Variants in UNC13D observed in about 807,000 individuals in gnomAD.
The protein encoded by UNC13D is unc-13 homolog D.
Under a neutral mutation model 151.7 loss-of-function variants are expected in UNC13D, and 115 were observed. The observed-to-expected ratio is 0.76, with a 90% CI of 0.65 to 0.88. UNC13D has a LOEUF of 0.88. Among genes scored for constraint, UNC13D ranks in the 40% least tolerant of loss-of-function variants. The pLI is 0.00. For synonymous variants in UNC13D, 588 were observed against 612.2 expected (o/e 0.96, Z 0.58); for missense variants, 1,369 against 1,438.7 (o/e 0.95, Z 0.78).
Position 75,828,809 on chromosome 17 carries a change from G to T in UNC13D, c.3129C>A (p.Pro1043=). The change falls in exon 31 of 32, where the codon CCC becomes CCA. Residue 1043 remains proline, a synonymous_variant. Coordinates refer to ENST00000207549, the MANE Select transcript of UNC13D (RefSeq NM_199242.3). ...TACCGTTGGGTGCGGGGTACGTGAG[G>T]GGCAGGCGGGTCTGAGGCACCTCAC... ...EPGEVPQTRL[P]LTYPAPNGDP... is the part of the protein sequence containing the mutation. The T allele has an allele frequency of 6.4e-7, 1 of 1,555,004 alleles. No homozygotes were observed. Among genetic ancestry groups the T allele is most frequent in the Non-Finnish European group, 8.7e-7 (1 of 1,151,988 alleles).
In UNC13D at chr17:75,832,884, G is replaced by A. The variant is rs781359341; in HGVS notation, c.2447+82C>T. 9.9e-6 allele frequency: 14 copies of A among 1,419,724 alleles called. No individual in the cohort carries two copies. Among genetic ancestry groups the A allele is most frequent in the Middle Eastern group, 1.7e-4 (1 of 5,722 alleles). The allele number at this position is 1,419,724 out of a possible 1,614,324, so 87.9% of individuals were successfully genotyped here. A position where few individuals can be genotyped will look rare whatever the true frequency, so the allele number is the denominator to read the frequency against. On this transcript the variant is annotated intron_variant, in intron 25 of 31. Coordinates refer to ENST00000207549, the MANE Select transcript of UNC13D (RefSeq NM_199242.3). The surrounding 1 kb of genome is among the most constrained non-coding windows in gnomAD (Gnocchi z 4.3). ...CAGGGGCTGCTACACCCCTCAGAACGGATGCTGGGGCCCAGGAAGGAGGGG... is the reference window on the plus strand; with the variant it reads ...CAGGGGCTGCTACACCCCTCAGAACAGATGCTGGGGCCCAGGAAGGAGGGG...
In UNC13D at chr17:75,844,364, C is replaced by G. The variant is rs778547098; in HGVS notation, c.-27G>C. ...GTGGCCTTCTCTGCCCTTCCCTGTC[C>G]GCTGGTGCTGGGTGAAGACAGCGAA... On this transcript the variant is annotated 5_prime_UTR_variant, in exon 1 of 32. Coordinates refer to ENST00000207549, the MANE Select transcript of UNC13D (RefSeq NM_199242.3). The G allele has an allele frequency of 3.8e-6, 6 of 1,591,904 alleles. No individual in the cohort carries two copies. The Admixed American group carries it at 8.8e-5, about 23-fold the overall frequency.
In UNC13D at chr17:75,840,616, G is replaced by A. The variant is rs1310838008; in HGVS notation, c.684-40C>T. 1.2e-6 allele frequency: 2 copies of A among 1,613,520 alleles called. No homozygotes were observed. Among genetic ancestry groups the A allele is most frequent in the African/African-American group, 1.3e-5 (1 of 74,900 alleles). On this transcript the variant is annotated intron_variant, in intron 8 of 31. Coordinates refer to ENST00000207549, the MANE Select transcript of UNC13D (RefSeq NM_199242.3). This position sits in a 1 kb window ranked among gnomAD's most constrained non-coding sequence, Gnocchi z 4.6. ...GTCCCATAAGGGGGACGCAGCAAGG[G>A]TCGGAAGGGATTAGGCTGGAATCCA...
In UNC13D at chr17:75,828,847, A is replaced by G; in HGVS notation, c.3091T>C (p.Ser1031Pro). 1 of 1,584,806 alleles carries G rather than the reference A, an allele frequency of 6.3e-7. No homozygotes were observed. ...PLREVPGLSG[S>P]EEPGEVPQTR... ...TGAGGCACCTCACCAGGCTCCTCAG[A>G]GCCACTCAGCCCGGGCACCTCACGC... The change falls in exon 31 of 32, where the codon TCT becomes CCT. Residue 1031 changes from serine to proline, a missense_variant. Coordinates refer to ENST00000207549, the MANE Select transcript of UNC13D (RefSeq NM_199242.3).
rs866171293 is a variant in UNC13D at position 75,831,121 on chromosome 17, C to T, written c.2602G>A (p.Ala868Thr). 1 of 1,613,962 alleles carries T rather than the reference C, an allele frequency of 6.2e-7. No individual in the cohort carries two copies. The highest frequency in any genetic ancestry group is 8.5e-7 in the Non-Finnish European group (1 of 1,180,032). ...ACCTGGAAGGTGGCAGTGTGCAGGG[C>T]CTTGGGTGGCAGGCCACAGCCCTCA... is the stretch of plus-strand genomic sequence containing the variant. ...HAEGCGLPPK[A>T]LHTATFQALQ... is the part of the protein sequence containing the mutation. Residue 868 changes from alanine to threonine, a missense_variant, in exon 27 of 32, where the codon GCC (alanine) becomes ACC (threonine). Coordinates refer to ENST00000207549, the MANE Select transcript of UNC13D (RefSeq NM_199242.3).
chr17:75,830,553 G>A (rs778572693), intron 28 of UNC13D, 25 bp downstream of exon 28: 6 of 1,568,776 alleles, frequency 3.8e-6, no homozygotes, highest in African/African-American at 2.7e-5. Flanking sequence ...CCTGCAGAGG[G>A]CGCAGTGCGA....
chr17:75,835,233 A>G, intron 20 of UNC13D, 170 bp from the exon 21 acceptor site: 3 of 1,394,004 alleles, frequency 2.2e-6, no homozygotes, highest in Non-Finnish European at 2.9e-6. Context: ...GGCAAAGTGA[A>G]GCCACAGCCC....
At chr17:75,841,135 C>CTTTTT (rs34691954) in intron 6 of UNC13D, 134 bp from the exon 7 acceptor site, 61 of 307,404 alleles carry the variant, frequency 2.0e-4, no homozygotes, top group African/African-American at 5.5e-4. Flanking sequence ...AGCCGCATCC[C>CTTTTT]TTTTTTTTTT....
rs145366134 is a variant in UNC13D, at chr17:75,834,664, C to A, written c.2045G>T (p.Arg682Leu). Residue 682 changes from arginine (R) to leucine (L), a missense_variant, in exon 22 of 32, where the codon CGC becomes CTC. Physicochemically the swap from Arg to Leu is moderately radical, Grantham distance 102. Transcript: ENST00000207549. Reference sequence around the variant, plus strand: ...GTCCTTCTGGCCTGAAGAGAGCTCGCGGGCCCGGGCCTTTATAAGGCTGCA... The same window carrying A: ...GTCCTTCTGGCCTGAAGAGAGCTCGAGGGCCCGGGCCTTTATAAGGCTGCA... ...VYCSLIKARA[R>L]ELSSGQKDQG... is the part of the protein sequence containing the mutation. 2.9e-5 allele frequency: 46 copies of A among 1,613,638 alleles called. No individual in the cohort carries two copies. The highest frequency in any genetic ancestry group is 7.7e-5 in the South Asian group (7 of 91,078).
chr17:75,829,999 G>GCCC, intron 30 of UNC13D, 29 bp downstream of exon 30: 2 of 1,567,878 alleles, frequency 1.3e-6, no homozygotes, highest in Non-Finnish European at 1.7e-6. Context: ...ATGAGGGGAG[G>GCCC]GACTGGGAGA....
In UNC13D at chr17:75,843,723, G is replaced by T. The variant is rs576068589; in HGVS notation, c.118-204C>A. On this transcript the variant is annotated intron_variant, in intron 1 of 31. Coordinates refer to ENST00000207549, the MANE Select transcript of UNC13D (RefSeq NM_199242.3). ...TGGGCCCGCCGTGGCTGAGGTCCAT[G>T]GGTGCCCAGCAGCGCGAGCCCTCCG... 102 of 1,442,982 alleles carry T rather than the reference G, an allele frequency of 7.1e-5. 1 individual carries two copies. The East Asian group carries it at 1.2e-3, about 16-fold the overall frequency. The allele number at this position is 1,442,982 out of a possible 1,614,324, so 89.4% of individuals were successfully genotyped here.
In UNC13D at chr17:75,834,690, G is replaced by A. The variant is rs1489113294; in HGVS notation, c.2019C>T (p.Tyr673=). Residue 673 remains tyrosine (Y), a synonymous_variant, in exon 22 of 32, where the codon TAC becomes TAT. Transcript: ENST00000207549. Reference sequence around the variant, plus strand: ...GGGCCCGGGCCTTTATAAGGCTGCAGTACACCAGGGCCAGGCGACAGGTGT... The same window carrying A: ...GGGCCCGGGCCTTTATAAGGCTGCAATACACCAGGGCCAGGCGACAGGTGT... ...VEDTCRLALV[Y]CSLIKARARE... 3.7e-6 allele frequency: 6 copies of A among 1,613,626 alleles called. No individual in the cohort carries two copies. In the African/African-American group the frequency reaches 8.0e-5, roughly 22 times the overall value.
intron 30 of UNC13D, among the ~76,000 whole-genome samples, chr17:75,829,352 G>A (rs1245562940): frequency 6.6e-6 from 1 of 152,196 alleles, no homozygotes; most frequent in Non-Finnish European, 1.5e-5. Context: ...CTGGAGTGCA[G>A]TGGCGCCATC....
rs2064892494 is a variant in UNC13D at position 75,834,408 on chromosome 17, T to C, written c.2215A>G (p.Asn739Asp). The stretch of plus-strand genomic sequence containing the variant: ...CTCTGCAGCTGGGCATGCAGCGTGT[T>C]CTGCAGCTGCCCCTGCTCCAGCACG... The part of the protein sequence containing the change: ...GAVLEQGQLQ[N>D]TLHAQLQSAL... The change falls in exon 23 of 32, where the codon AAC becomes GAC. Residue 739 changes from asparagine to aspartate, a missense_variant. By Grantham distance (23) the Asn-to-Asp change is conservative. Around this residue, in one of 3 missense-constraint regions of UNC13D, gnomAD observed 807 missense variants for 795.5 expected, o/e 1.01. Transcript: ENST00000207549. 2 of 1,583,012 alleles carry C rather than the reference T, an allele frequency of 1.3e-6. No individual in the cohort carries two copies. The highest frequency in any genetic ancestry group is 1.3e-5 in the African/African-American group (1 of 74,572).
chr17:75,828,104 TG>T lies in UNC13D; in HGVS notation c.3152-19del, dbSNP rs1451719556. ...TGGGTCCCCTGCGGAGAGAGGGGTTTGGGGGTCAGATGCCAGGGGAGAGGGC... is the reference window on the plus strand; with the variant it reads ...TGGGTCCCCTGCGGAGAGAGGGGTTTGGGGTCAGATGCCAGGGGAGAGGGC... On this transcript the variant is annotated intron_variant, in intron 31 of 31. Transcript: ENST00000207549. 3.8e-6 allele frequency: 6 copies of T among 1,569,932 alleles called. No individual in the cohort carries two copies. The highest frequency in any genetic ancestry group is 5.2e-6 in the Non-Finnish European group (6 of 1,157,450).
chr17:75,831,202 C>A (rs768768660), intron 26 of UNC13D, 33 bp from the exon 27 acceptor site: 1 of 1,614,086 alleles, frequency 6.2e-7, no homozygotes, highest in South Asian at 1.1e-5. Context: ...CCCCAGGCAC[C>A]CTCCCACCAG....
Position 75,842,624 on chromosome 17 carries a change from G to A in UNC13D, c.389-11C>T, listed in dbSNP as rs1301913392. 1 of 1,611,164 alleles carries A rather than the reference G, an allele frequency of 6.2e-7. No homozygotes were observed. On this transcript the variant is annotated splice_polypyrimidine_tract_variant and intron_variant, in intron 5 of 31. Coordinates refer to ENST00000207549, the MANE Select transcript of UNC13D (RefSeq NM_199242.3). Reference sequence around the variant, plus strand: ...AGGGGTCGCTGAACCCTGTGGAGGAGTGGGGAAGACGAGGCAGCCAGGGAG... The same window carrying A: ...AGGGGTCGCTGAACCCTGTGGAGGAATGGGGAAGACGAGGCAGCCAGGGAG...
chr17:75,828,695 G>A (rs2062140503), intron 31 of UNC13D, 92 bp downstream of exon 31: 1 of 1,363,044 alleles, frequency 7.3e-7, no homozygotes, highest in South Asian at 1.7e-5. Context: ...CAGGGAAGCT[G>A]TTCTCCGACC....
chr17:75,844,203 C>T lies in UNC13D; in HGVS notation c.117+18G>A, dbSNP rs376100511. On this transcript the variant is annotated intron_variant, in intron 1 of 31. Transcript: ENST00000207549. ...TGCTCCCCAAGGCCAGCTCTCTCCC[C>T]AGTGAGGTCACTCCTACCTCCGGGG... The T allele has an allele frequency of 3.7e-6, 6 of 1,609,532 alleles. No homozygotes were observed. The African/African-American group carries it at 6.7e-5, about 18-fold the overall frequency.
Sources: gnomAD v4.1 joint callset for allele counts (sites outside exome capture counted in the v4.1 genomes callset) on GRCh38, gnomAD v4.1.1 for gene constraint, gnomAD v4.1.1 regional missense constraint, Gnocchi (gnomAD v3.1) non-coding constraint, MANE v1.5 for transcripts, NCBI Gene and HGNC (gene_info 2026-07-23, HGNC 2026-07-21) for gene names.